KCNIP4: variants seen among roughly 807,000 people sequenced by gnomAD.
KCNIP4 encodes potassium voltage-gated channel interacting protein 4.
Under a neutral mutation model 34.0 loss-of-function variants are expected in KCNIP4, and 12 were observed. That is an observed-to-expected ratio of 0.35 (90% CI 0.23 to 0.57). The LOEUF (loss-of-function observed/expected upper bound fraction) is 0.57. Ranked by LOEUF, KCNIP4 falls within the 20% of genes least tolerant of loss-of-function variation. The pLI, the probability that KCNIP4 is intolerant of heterozygous loss-of-function variation, is 0.83. For missense variants in KCNIP4, 238 were observed against 311.7 expected, an observed-to-expected ratio of 0.76 and a Z score of 1.78; for synonymous variants, 124 against 102.2, an observed-to-expected ratio of 1.21 and a Z score of -1.29.
chr4:20,776,048 C>A (rs967966241), intron 3 of KCNIP4, among the ~76,000 whole-genome samples: 1 of 152,106 alleles, frequency 6.6e-6, no homozygotes, highest in Non-Finnish European at 1.5e-5. Flanking sequence ...GCTTCAAATC[C>A]CAACAATTCT....
intron 1 of KCNIP4, among the ~76,000 whole-genome samples, chr4:21,029,277 C>T (rs996206324): frequency 6.6e-6 from 1 of 152,106 alleles, no homozygotes; most frequent in Admixed American, 6.5e-5. Context: ...GGGGCTCTGA[C>T]TTAATTTTTT....
At chr4:21,503,259 C>A (rs1198012417) in intron 1 of KCNIP4, among the ~76,000 whole-genome samples, 3 of 152,086 alleles carry the variant, frequency 2.0e-5, no homozygotes. Context: ...TCTCTTTTGC[C>A]AAATTCTCCT....
chr4:21,760,136 G>A (rs1308301380), intron 1 of KCNIP4, among the ~76,000 whole-genome samples: 2 of 151,878 alleles, frequency 1.3e-5, no homozygotes, highest in Non-Finnish European at 1.5e-5. Flanking sequence ...AATTACTCAT[G>A]GTTTTCTTTG....
chr4:21,422,009 C>G (rs1018615842), intron 1 of KCNIP4, among the ~76,000 whole-genome samples: 1 of 152,108 alleles, frequency 6.6e-6, no homozygotes, highest in Non-Finnish European at 1.5e-5. Flanking sequence ...TGCACCTAAC[C>G]TCTCTGTTCT....
At chr4:21,454,937 T>C (rs895200023) in intron 1 of KCNIP4, among the ~76,000 whole-genome samples, 7 of 152,046 alleles carry the variant, frequency 4.6e-5, no homozygotes, top group African/African-American at 7.2e-5. Context: ...GGTTAGCTCA[T>C]AGGGTGACCA....
chr4:20,754,965 TA>T (rs550870133), intron 4 of KCNIP4, among the ~76,000 whole-genome samples: 240 of 152,316 alleles, frequency 1.6e-3, no homozygotes, highest in Admixed American at 5.1e-3. Flanking sequence ...AATTTTTCTT[TA>T]AAAAATCCAT....
At chr4:20,955,286 A>G (rs1262097585) in intron 1 of KCNIP4, among the ~76,000 whole-genome samples, 1 of 152,182 alleles carries the variant, frequency 6.6e-6, no homozygotes, top group Non-Finnish European at 1.5e-5. Context: ...AAGTCCTAAT[A>G]AATGTAGCGC....
intron 1 of KCNIP4, among the ~76,000 whole-genome samples, chr4:21,533,847 A>G (rs1560495027): frequency 1.3e-5 from 2 of 152,182 alleles, no homozygotes; most frequent in East Asian, 1.9e-4. Flanking sequence ...TAGTCAATCA[A>G]GTGCTGTGAA....
At chr4:21,794,274 TA>T (rs896274429) in intron 1 of KCNIP4, among the ~76,000 whole-genome samples, 9 of 151,314 alleles carry the variant, frequency 5.9e-5, no homozygotes, top group South Asian at 2.1e-4. Flanking sequence ...AAGTATAATT[TA>T]AAAAAAAAGA....
chr4:21,046,127 C>T (rs1289977210), intron 1 of KCNIP4, among the ~76,000 whole-genome samples: 1 of 152,192 alleles, frequency 6.6e-6, no homozygotes, highest in Non-Finnish European at 1.5e-5. Flanking sequence ...TTCACACTGA[C>T]TTATTTTGAA....
chr4:21,892,980 T>TGGGTATTA (rs1483094096), intron 1 of KCNIP4, among the ~76,000 whole-genome samples: 43 of 152,308 alleles, frequency 2.8e-4, no homozygotes, highest in African/African-American at 9.9e-4. Context: ...CAAAAGTTAA[T>TGGGTATTA]ACCCCATTTC....
intron 1 of KCNIP4, among the ~76,000 whole-genome samples, chr4:21,041,158 C>T (rs1453140978): frequency 4.6e-5 from 7 of 151,660 alleles, no homozygotes; most frequent in African/African-American, 1.7e-4. Flanking sequence ...AATAGTGAGG[C>T]TTTCAGATGA....
At chr4:21,614,540 A>T (rs891483266) in intron 1 of KCNIP4, among the ~76,000 whole-genome samples, 4 of 148,264 alleles carry the variant, frequency 2.7e-5, no homozygotes, top group Admixed American at 6.8e-5. Context: ...TATAGCTTCT[A>T]TTTAATGCAT....
intron 1 of KCNIP4, among the ~76,000 whole-genome samples, chr4:21,484,550 T>C (rs910077519): frequency 6.6e-6 from 1 of 152,214 alleles, no homozygotes. Flanking sequence ...GTGCAGGTTA[T>C]AGGCATACAC....
intron 1 of KCNIP4, among the ~76,000 whole-genome samples, chr4:21,708,463 G>T (rs1323847006): frequency 1.3e-5 from 2 of 152,064 alleles, no homozygotes; most frequent in Non-Finnish European, 2.9e-5. Flanking sequence ...CAAAAACACA[G>T]ACTTTTGATA....
intron 1 of KCNIP4, among the ~76,000 whole-genome samples, chr4:21,342,578 T>C (rs1187410076): frequency 3.9e-5 from 6 of 151,938 alleles, no homozygotes; most frequent in African/African-American, 1.2e-4. Context: ...CTTTAGTTTA[T>C]AAGCCATGAT....
chr4:21,031,250 A>G (rs10007032), intron 1 of KCNIP4, among the ~76,000 whole-genome samples: 3,766 of 152,298 alleles, frequency 0.025, 148 homozygotes, highest in African/African-American at 0.085. Flanking sequence ...GGCATGCCTT[A>G]ATGAAACACT....
chr4:21,901,352 C>T (rs539244285), intron 1 of KCNIP4, among the ~76,000 whole-genome samples: 1 of 152,350 alleles, frequency 6.6e-6, no homozygotes, highest in African/African-American at 2.4e-5. Context: ...ACAGCGCACC[C>T]TCTCGTGCTT....
chr4:21,262,351 G>A (rs552054477), intron 1 of KCNIP4, among the ~76,000 whole-genome samples: 2 of 152,198 alleles, frequency 1.3e-5, no homozygotes, highest in South Asian at 2.1e-4. Flanking sequence ...CAGCATCTGT[G>A]TCTCTTTGTT....
Sources: allele counts gnomAD v4.1 joint callset (sites outside exome capture counted in the v4.1 genomes callset), GRCh38; gene constraint gnomAD v4.1.1; transcripts MANE v1.5; gene names NCBI Gene and HGNC (gene_info 2026-07-23, HGNC 2026-07-21).